Variants in N4BP1 observed in about 807,000 individuals in gnomAD.
N4BP1 encodes NEDD4 binding protein 1.
In N4BP1, 21 loss-of-function variants were observed where a neutral mutation model predicts 70.9. The observed-to-expected ratio is 0.30, with a 90% CI of 0.21 to 0.43. The LOEUF (loss-of-function observed/expected upper bound fraction) is 0.43, where lower values mean the gene tolerates loss of function less well. N4BP1 is among the 20% of genes least tolerant of loss of function. The probability of loss-of-function intolerance (pLI) is 1.00; values close to 1 mark genes in which losing one functional copy is unlikely to be tolerated. For missense variants in N4BP1, 936 were observed against 1,069.4 expected (o/e 0.88, Z 1.74); for synonymous variants, 387 against 394.6 (o/e 0.98, Z 0.23).
chr16:48,553,804 G>A, intron 2 of N4BP1, 135 bp from the exon 3 acceptor site: 1 of 803,300 alleles, frequency 1.2e-6, no homozygotes, highest in South Asian at 2.5e-5. Flanking sequence ...TTACATTTTT[G>A]GCATTTAGTT....
intron 2 of N4BP1, among the ~76,000 whole-genome samples, chr16:48,554,947 A>G (rs1319920762): frequency 6.6e-6 from 1 of 152,204 alleles, no homozygotes; most frequent in Non-Finnish European, 1.5e-5. Flanking sequence ...CTCGTCAGAA[A>G]GGATCTGGCC....
intron 3 of N4BP1, 73 bp downstream of exon 3, chr16:48,553,451 CAGCTCTATTCTAAAT>C: frequency 7.6e-7 from 1 of 1,312,480 alleles, no homozygotes; most frequent in Non-Finnish European, 1.0e-6. Context: ...CTATGGCACA[CAGCTCTATTCTAAAT>C]AGCATGTGTT....
intron 1 of N4BP1, among the ~76,000 whole-genome samples, chr16:48,570,761 A>C (rs1964006742): frequency 6.6e-6 from 1 of 152,210 alleles, no homozygotes; most frequent in Non-Finnish European, 1.5e-5. Context: ...TGTATTCAGT[A>C]GGACTGACAG....
Position 48,543,240 on chromosome 16 carries a change from A to T in N4BP1, c.2355T>A (p.Ser785Arg). The T allele has an allele frequency of 6.5e-7, 1 of 1,541,212 alleles. No individual in the cohort carries two copies. Among genetic ancestry groups the T allele is most frequent in the African/African-American group, 1.4e-5 (1 of 72,932 alleles). Residue 785 changes from serine to arginine, a missense_variant, in exon 7 of 7, where the codon AGT (serine) becomes AGA (arginine). Transcript: ENST00000262384. Reference protein sequence around the residue: ...VCLRDMQPLLSALPNVGMFDP... With the variant: ...VCLRDMQPLLRALPNVGMFDP... ...CAAACATGCCCACATTTGGCAGGGC[A>T]CTGAGTAGGGGCTGCATATCTCTGT...
At chr16:48,556,070 T>TA (rs2151087782) in intron 2 of N4BP1, among the ~76,000 whole-genome samples, 1 of 152,274 alleles carries the variant, frequency 6.6e-6, no homozygotes, top group African/African-American at 2.4e-5. Flanking sequence ...CTGGACTCCT[T>TA]ACAAGTCTAG....
intron 1 of N4BP1, among the ~76,000 whole-genome samples, chr16:48,605,371 GA>G (rs979105412): frequency 4.8e-4 from 73 of 152,296 alleles, no homozygotes; most frequent in Non-Finnish European, 7.8e-4. Flanking sequence ...CCACGGCTGA[GA>G]TCCCCTCAAC....
At chr16:48,588,173 G>C (rs770022334) in intron 1 of N4BP1, among the ~76,000 whole-genome samples, 2 of 151,712 alleles carry the variant, frequency 1.3e-5, no homozygotes, top group African/African-American at 2.4e-5. Flanking sequence ...GTGTGGGTGT[G>C]ATATCAAGAA....
chr16:48,545,915 T>A lies in N4BP1; in HGVS notation c.2333+232A>T, dbSNP rs142458871. On this transcript the variant is annotated intron_variant, in intron 6 of 6. Coordinates refer to ENST00000262384, the MANE Select transcript of N4BP1 (RefSeq NM_153029.4). ...GGTGGTATGCGCCTGTGGTCCCAGC[T>A]CCTCGGGAGGCTAAGGTGGGAGGAT... is the stretch of plus-strand genomic sequence containing the variant. Among the ~76,000 whole-genome samples, 1,103 of 151,356 alleles carry A rather than the reference T, an allele frequency of 7.3e-3. 13 individuals carry two copies. Among genetic ancestry groups the A allele is most frequent in the African/African-American group, 0.026 (1,052 of 41,214 alleles).
At chr16:48,609,384 G>C (rs933795350) in intron 1 of N4BP1, among the ~76,000 whole-genome samples, 3 of 152,218 alleles carry the variant, frequency 2.0e-5, no homozygotes, top group Non-Finnish European at 4.4e-5. Flanking sequence ...TTAGGTGGTG[G>C]ACGAGGCTGC....
chr16:48,593,504 A>G (rs565554747), intron 1 of N4BP1, among the ~76,000 whole-genome samples: 1 of 152,374 alleles, frequency 6.6e-6, no homozygotes, highest in South Asian at 2.1e-4. Context: ...TTTATAAAAA[A>G]TTAATGTGTG....
chr16:48,575,299 G>A (rs1173301064), intron 1 of N4BP1, among the ~76,000 whole-genome samples: 1 of 152,066 alleles, frequency 6.6e-6, no homozygotes, highest in Non-Finnish European at 1.5e-5. Flanking sequence ...CATTTTTAAT[G>A]TTAGTTAAAA....
Position 48,541,480 on chromosome 16 carries a change from C to T in N4BP1, c.*1424G>A, listed in dbSNP as rs1038411685. 1.3e-4 allele frequency: 20 copies of T among 152,326 alleles called. No homozygotes were observed. Among genetic ancestry groups the T allele is most frequent in the African/African-American group, 4.3e-4 (18 of 41,460 alleles). 9.4% of individuals were successfully genotyped at this position (152,326 alleles called of 1,614,324 possible). A position where few individuals can be genotyped will look rare whatever the true frequency, so the allele number is the denominator to read the frequency against. ...GGCTCTGGATTCATCCCTTGAAGAA[C>T]GCAGTGATCAAACAAAACCAAGAAG... On this transcript the variant is annotated 3_prime_UTR_variant, in exon 7 of 7. Coordinates refer to ENST00000262384, the MANE Select transcript of N4BP1 (RefSeq NM_153029.4).
chr16:48,544,530 TC>T, intron 6 of N4BP1, among the ~76,000 whole-genome samples: 1 of 152,188 alleles, frequency 6.6e-6, no homozygotes, highest in Non-Finnish European at 1.5e-5. Flanking sequence ...AGAGTAAACA[TC>T]AGTCATGGGG....
intron 3 of N4BP1, 109 bp from the exon 4 acceptor site, chr16:48,551,591 T>C: frequency 1.4e-6 from 1 of 701,140 alleles, no homozygotes. Flanking sequence ...GTAGAAAACC[T>C]TTTTTCTATT....
At chr16:48,582,064 T>A (rs1964181957) in intron 1 of N4BP1, among the ~76,000 whole-genome samples, 1 of 151,954 alleles carries the variant, frequency 6.6e-6, no homozygotes, top group South Asian at 2.1e-4. Flanking sequence ...GAGGTTAATA[T>A]CCAAAAATAT....
intron 1 of N4BP1, among the ~76,000 whole-genome samples, chr16:48,564,272 T>A (rs1470022146): frequency 6.6e-6 from 1 of 152,222 alleles, no homozygotes; most frequent in Non-Finnish European, 1.5e-5. Flanking sequence ...AAGCCTGGGG[T>A]ACTGAAGACC....
intron 1 of N4BP1, among the ~76,000 whole-genome samples, chr16:48,607,298 G>A (rs1964597285): frequency 6.6e-6 from 1 of 152,224 alleles, no homozygotes; most frequent in African/African-American, 2.4e-5. Context: ...CTCCATGCTT[G>A]CGATGAGTCT....
chr16:48,572,160 C>T (rs1250706846), intron 1 of N4BP1, among the ~76,000 whole-genome samples: 1 of 152,154 alleles, frequency 6.6e-6, no homozygotes, highest in Admixed American at 6.5e-5. Context: ...GTTTGCACCA[C>T]TGCACCCCAG....
chr16:48,543,797 T>C (rs764329385), intron 6 of N4BP1, among the ~76,000 whole-genome samples: 1 of 152,186 alleles, frequency 6.6e-6, no homozygotes, highest in Non-Finnish European at 1.5e-5. Flanking sequence ...AGCCTCCCAC[T>C]GGACTCGGCC....
Sources: gnomAD v4.1 joint callset for allele counts (sites outside exome capture counted in the v4.1 genomes callset) on GRCh38, gnomAD v4.1.1 for gene constraint, MANE v1.5 for transcripts, NCBI Gene and HGNC (gene_info 2026-07-23, HGNC 2026-07-21) for gene names.